Variants in CDH10 observed in about 807,000 individuals in gnomAD.
CDH10 encodes the protein cadherin 10.
A neutral mutation model predicts 73.1 loss-of-function variants in CDH10; 30 were observed. That is an observed-to-expected ratio of 0.41 (90% CI 0.31 to 0.56). The LOEUF is 0.56. Among genes scored for constraint, CDH10 ranks in the 20% least tolerant of loss-of-function variants. The pLI, the probability that CDH10 is intolerant of heterozygous loss-of-function variation, is 0.27. For synonymous variants in CDH10, 345 were observed against 348.2 expected (o/e 0.99, Z 0.10); for missense variants, 815 against 973.7 (o/e 0.84, Z 2.17).
chr5:24,607,368 T>C (rs1432950581), intron 1 of CDH10, among the ~76,000 whole-genome samples: 2 of 151,950 alleles, frequency 1.3e-5, no homozygotes, highest in Admixed American at 6.6e-5. Flanking sequence ...AGAACAAAAA[T>C]AGGGAAAGGC....
intron 8 of CDH10, among the ~76,000 whole-genome samples, chr5:24,499,068 TA>T (rs1742397459): frequency 6.6e-6 from 1 of 152,204 alleles, no homozygotes; most frequent in African/African-American, 2.4e-5. Context: ...CCTTCGCTCG[TA>T]AGTGGTAACT....
chr5:24,490,544 G>C (rs1363055593), intron 11 of CDH10, among the ~76,000 whole-genome samples: 1 of 151,914 alleles, frequency 6.6e-6, no homozygotes, highest in African/African-American at 2.4e-5. Flanking sequence ...TTACCTTTCT[G>C]TTATTTAAAC....
At chr5:24,628,832 C>T (rs1457253200) in intron 1 of CDH10, among the ~76,000 whole-genome samples, 8 of 139,016 alleles carry the variant, frequency 5.8e-5, no homozygotes, top group African/African-American at 7.8e-5. Context: ...CCCCCCACCC[C>T]GCTCCCCACC....
intron 5 of CDH10, among the ~76,000 whole-genome samples, chr5:24,531,469 T>A (rs1435737022): frequency 6.6e-6 from 1 of 152,008 alleles, no homozygotes; most frequent in Non-Finnish European, 1.5e-5. Context: ...CAAGACTGGG[T>A]AATTTATAAA....
intron 3 of CDH10, among the ~76,000 whole-genome samples, chr5:24,536,792 A>T (rs1055818861): frequency 6.6e-6 from 1 of 151,934 alleles, no homozygotes; most frequent in Non-Finnish European, 1.5e-5. Flanking sequence ...ATCAGTATGT[A>T]TTTAACCATA....
intron 2 of CDH10, among the ~76,000 whole-genome samples, chr5:24,568,021 T>C (rs986893368): frequency 4.6e-5 from 7 of 152,088 alleles, no homozygotes. Context: ...ATTAAATGAT[T>C]TTCCCATAAT....
chr5:24,593,680 A>C, intron 1 of CDH10, 67 bp from the exon 2 acceptor site: 1 of 534,972 alleles, frequency 1.9e-6, no homozygotes, highest in East Asian at 3.0e-5. Flanking sequence ...TTCATTTAAA[A>C]TTTAAAGTGA....
intron 5 of CDH10, among the ~76,000 whole-genome samples, chr5:24,517,148 G>A (rs1579747833): frequency 6.6e-6 from 1 of 151,836 alleles, no homozygotes; most frequent in East Asian, 1.9e-4. Context: ...TTCTCTACAA[G>A]AATAAAATGA....
chr5:24,514,337 T>A (rs1743028664), intron 5 of CDH10, among the ~76,000 whole-genome samples: 1 of 152,188 alleles, frequency 6.6e-6, no homozygotes, highest in South Asian at 2.1e-4. Flanking sequence ...CTCTGTCCTG[T>A]CAGTTTCTCT....
At chr5:24,512,171 CTTTAT>C (rs576775643) in intron 5 of CDH10, among the ~76,000 whole-genome samples, 6 of 152,012 alleles carry the variant, frequency 3.9e-5, no homozygotes, top group African/African-American at 7.2e-5. Context: ...CATGTTGTCT[CTTTAT>C]TTTATTTTAT....
chr5:24,575,386 A>G (rs1745566161), intron 2 of CDH10, among the ~76,000 whole-genome samples: 1 of 151,670 alleles, frequency 6.6e-6, no homozygotes, highest in African/African-American at 2.4e-5. Context: ...AAAAAAAAGA[A>G]AAGTCTCCTG....
At position 24,560,883 on chromosome 5, in the gene CDH10, T is replaced by G. The variant is rs561486010; in HGVS notation, c.232-23209A>C. Among the ~76,000 whole-genome samples, 32 of 152,252 alleles carry G rather than the reference T, an allele frequency of 2.1e-4. No individual in the cohort carries two copies. In the East Asian group the frequency reaches 6.0e-3, roughly 28 times the overall value. The stretch of plus-strand genomic sequence containing the variant: ...ACATATATTTACTAATATGCCTTTT[T>G]TTACTATAGTGAAATAATCCAAATT... On this transcript the variant is annotated intron_variant, in intron 2 of 11. Coordinates refer to ENST00000264463, the MANE Select transcript of CDH10 (RefSeq NM_006727.5).
At chr5:24,540,820 A>T (rs1402021038) in intron 2 of CDH10, among the ~76,000 whole-genome samples, 1 of 151,950 alleles carries the variant, frequency 6.6e-6, no homozygotes, top group African/African-American at 2.4e-5. Flanking sequence ...TGAGGGCATG[A>T]CATTAGCCTA....
intron 2 of CDH10, among the ~76,000 whole-genome samples, chr5:24,558,118 G>C (rs1019218182): frequency 6.6e-6 from 1 of 151,720 alleles, no homozygotes; most frequent in African/African-American, 2.4e-5. Flanking sequence ...ATAAGTACAA[G>C]GTTAACCACA....
intron 1 of CDH10, among the ~76,000 whole-genome samples, chr5:24,616,546 T>C (rs892960150): frequency 2.8e-4 from 43 of 152,012 alleles, no homozygotes; most frequent in African/African-American, 1.0e-3. Context: ...TATTAGTAGA[T>C]TGCAATTTTT....
intron 2 of CDH10, among the ~76,000 whole-genome samples, chr5:24,591,787 AAAT>A (rs1156642761): frequency 2.6e-5 from 4 of 151,946 alleles, no homozygotes; most frequent in Non-Finnish European, 4.4e-5. Flanking sequence ...TAAAAATAAA[AAAT>A]AAGAAGTAGC....
intron 7 of CDH10, among the ~76,000 whole-genome samples, chr5:24,508,850 A>G (rs1742792337): frequency 6.6e-6 from 1 of 152,122 alleles, no homozygotes. Context: ...CTCTCATTCA[A>G]CCTTACATTT....
chr5:24,512,275 G>C (rs896910471), intron 5 of CDH10, among the ~76,000 whole-genome samples: 2 of 152,098 alleles, frequency 1.3e-5, no homozygotes, highest in Non-Finnish European at 2.9e-5. Flanking sequence ...GGATAGTTGG[G>C]ATTAGAGACG....
At chr5:24,511,063 C>T (rs1425296840) in intron 6 of CDH10, among the ~76,000 whole-genome samples, 2 of 152,172 alleles carry the variant, frequency 1.3e-5, no homozygotes, top group African/African-American at 4.8e-5. Flanking sequence ...ATTAATGTGG[C>T]TTAGAAATAT....
Sources: allele counts gnomAD v4.1 joint callset (sites outside exome capture counted in the v4.1 genomes callset), GRCh38; gene constraint gnomAD v4.1.1; transcripts MANE v1.5; gene names NCBI Gene and HGNC (gene_info 2026-07-23, HGNC 2026-07-21).